The following ZC3H8 variants were observed in gnomAD, a reference collection of about 807,000 sequenced individuals.
ZC3H8 encodes zinc finger CCCH-type containing 8, also known as zinc finger CCCH domain-containing protein 8.
Under a neutral mutation model 42.5 loss-of-function variants are expected in ZC3H8, and 27 were observed. That is an observed-to-expected ratio of 0.64 (90% CI 0.47 to 0.88). ZC3H8 has a LOEUF of 0.88. ZC3H8 is among the 40% of genes least tolerant of loss of function. The pLI, the probability that ZC3H8 is intolerant of heterozygous loss-of-function variation, is 0.00. For missense variants in ZC3H8, 277 were observed against 336.1 expected (o/e 0.82, Z 1.37); for synonymous variants, 101 against 110.1 (o/e 0.92, Z 0.52).
In ZC3H8 at chr2:112,212,558, T is replaced by G. The variant is rs1279749949; in HGVS notation, c.*3926A>C. 1 of 152,138 alleles carries G rather than the reference T, an allele frequency of 6.6e-6. No homozygotes were observed. The highest frequency in any genetic ancestry group is 6.5e-5 in the Admixed American group (1 of 15,276). 9.4% of individuals were successfully genotyped at this position (152,138 alleles called of 1,614,324 possible). On this transcript the variant is annotated 3_prime_UTR_variant, in exon 9 of 9. Coordinates refer to ENST00000409573, the MANE Select transcript of ZC3H8 (RefSeq NM_032494.3). ...ACCCAAATCAAAATGGCTTCAACAA[T>G]AATGAAAATATATTATTTCAGGTGG...
intron 1 of ZC3H8, among the ~76,000 whole-genome samples, chr2:112,253,557 T>C (rs1323397117): frequency 1.3e-5 from 2 of 152,142 alleles, no homozygotes; most frequent in African/African-American, 4.8e-5. Flanking sequence ...AGATAAGAGA[T>C]CCTAGAATGT....
intron 2 of ZC3H8, among the ~76,000 whole-genome samples, chr2:112,246,075 T>C (rs940809985): frequency 3.9e-5 from 6 of 152,226 alleles, no homozygotes; most frequent in African/African-American, 1.4e-4. Flanking sequence ...CTGTGCTCTA[T>C]ATATGGAGCA....
In ZC3H8 at chr2:112,217,490, T is replaced by G. The variant is rs562776102; in HGVS notation, c.*16-1022A>C. Among the ~76,000 whole-genome samples, 5 of 152,380 alleles carry G rather than the reference T, an allele frequency of 3.3e-5. No individual in the cohort carries two copies. The South Asian group carries it at 1.0e-3, about 32-fold the overall frequency. On this transcript the variant is annotated intron_variant, in intron 8 of 8. Transcript: ENST00000409573. ...AACTTTTTATACTGTTACATTAAAA[T>G]CCATTGGTCTTTGTAGGTTGGATGG... is the stretch of plus-strand genomic sequence containing the variant.
intron 8 of ZC3H8, among the ~76,000 whole-genome samples, chr2:112,226,588 T>TAAAAAAA (rs1684849729): frequency 9.2e-5 from 1 of 10,812 alleles, no homozygotes. Context: ...AGACTCCATC[T>TAAAAAAA]CAAAAAAAAA....
rs1487688700 is a variant in ZC3H8, at chr2:112,240,962, TGTGTGTGTGTGTGTGTGTGTGTGCGC to T, written c.157-2460_157-2435del. Among the ~76,000 whole-genome samples the T allele has an allele frequency of 4.6e-3, 673 of 145,110 alleles. 8 individuals carry two copies. Among genetic ancestry groups the T allele is most frequent in the African/African-American group, 0.016 (636 of 38,844 alleles). The stretch of plus-strand genomic sequence containing the variant: ...TAAAGTACAGGTAACAGTGTGTGTG[TGTGTGTGTGTGTGTGTGTGTGTGCGC>T]GTGTGTATGTGTGTTGTGTTTTGTG... On this transcript the variant is annotated intron_variant, in intron 2 of 8. Transcript: ENST00000409573.
At chr2:112,244,089 A>T (rs1349359899) in intron 2 of ZC3H8, among the ~76,000 whole-genome samples, 1 of 152,050 alleles carries the variant, frequency 6.6e-6, no homozygotes, top group Non-Finnish European at 1.5e-5. Context: ...CCACAATAGC[A>T]CTAAGCAGAA....
At chr2:112,251,217 GAGAAC>G (rs1472368471) in intron 1 of ZC3H8, among the ~76,000 whole-genome samples, 1 of 152,184 alleles carries the variant, frequency 6.6e-6, no homozygotes, top group African/African-American at 2.4e-5. Context: ...CCCATCTCAA[GAGAAC>G]ATGTTACAAA....
chr2:112,236,449 T>G, intron 4 of ZC3H8, 113 bp downstream of exon 4: 1 of 1,412,592 alleles, frequency 7.1e-7, no homozygotes, highest in Non-Finnish European at 9.5e-7. Flanking sequence ...AAACCGATTC[T>G]GTGGGATGCT....
chr2:112,227,625 C>T lies in ZC3H8; in HGVS notation c.*15+3278G>A, dbSNP rs1034993557. The stretch of plus-strand genomic sequence containing the variant: ...ACCTACTAGAGCTAATAAATGAATT[C>T]GAAGTCTTGGGAAACAAGATCAATA... On this transcript the variant is annotated intron_variant, in intron 8 of 8. Coordinates refer to ENST00000409573, the MANE Select transcript of ZC3H8 (RefSeq NM_032494.3). Among the ~76,000 whole-genome samples, 40 of 152,230 alleles carry T rather than the reference C, an allele frequency of 2.6e-4. 1 individual carries two copies. Among genetic ancestry groups the T allele is most frequent in the East Asian group, 3.9e-4 (2 of 5,186 alleles).
intron 8 of ZC3H8, among the ~76,000 whole-genome samples, chr2:112,219,261 G>A (rs1684479479): frequency 6.6e-6 from 1 of 152,096 alleles, no homozygotes; most frequent in African/African-American, 2.4e-5. Flanking sequence ...GGAACACAGT[G>A]GAGAGGGTAG....
At chr2:112,218,912 G>C (rs1197207823) in intron 8 of ZC3H8, among the ~76,000 whole-genome samples, 1 of 152,156 alleles carries the variant, frequency 6.6e-6, no homozygotes, top group Non-Finnish European at 1.5e-5. Context: ...GGTGAGACTT[G>C]TGTAACAGAA....
rs1573926602 is a variant in ZC3H8, at chr2:112,248,678, T to C, written c.156+1513A>G. Among the ~76,000 whole-genome samples, 3 of 152,202 alleles carry C rather than the reference T, an allele frequency of 2.0e-5. No individual in the cohort carries two copies. The South Asian group carries it at 6.2e-4, about 32-fold the overall frequency. ...GCTAATTTTGTATTTTTAGTAGAGATGGCGTTTCTCCATGTTCAAAAACAG... is the reference window on the plus strand; with the variant it reads ...GCTAATTTTGTATTTTTAGTAGAGACGGCGTTTCTCCATGTTCAAAAACAG... On this transcript the variant is annotated intron_variant, in intron 2 of 8. Transcript: ENST00000409573.
At chr2:112,229,659 C>T (rs1187182958) in intron 8 of ZC3H8, among the ~76,000 whole-genome samples, 1 of 152,112 alleles carries the variant, frequency 6.6e-6, no homozygotes, top group African/African-American at 2.4e-5. Flanking sequence ...CAGCCAACTC[C>T]CAGCCAATCT....
intron 6 of ZC3H8, 26 bp from the exon 7 acceptor site, chr2:112,231,973 C>T: frequency 7.8e-7 from 1 of 1,284,364 alleles, no homozygotes. Context: ...AGGAAGAGAA[C>T]AATTTTAATC....
chr2:112,254,761 G>A (rs764075113), intron 1 of ZC3H8, 147 bp downstream of exon 1: 8 of 898,348 alleles, frequency 8.9e-6, no homozygotes, highest in African/African-American at 1.7e-5. Context: ...TAGGTCAGAC[G>A]GTGGCGCCCG....
At chr2:112,230,463 G>T (rs988004063) in intron 8 of ZC3H8, among the ~76,000 whole-genome samples, 2 of 152,070 alleles carry the variant, frequency 1.3e-5, no homozygotes, top group Admixed American at 1.3e-4. Flanking sequence ...ATAGTAGAAT[G>T]ACCAAATAAC....
Position 112,238,459 on chromosome 2 carries a change from A to T in ZC3H8, c.226T>A (p.Tyr76Asn). 6.2e-7 allele frequency: 1 copy of T among 1,613,374 alleles called. No individual in the cohort carries two copies. The highest frequency in any genetic ancestry group is 8.5e-7 in the Non-Finnish European group (1 of 1,179,856). The change falls in exon 3 of 9, where the codon TAT (tyrosine) becomes AAT (asparagine). Residue 76 changes from tyrosine to asparagine, a missense_variant. Tyr to Asn is a moderately radical substitution (Grantham distance 143). Coordinates refer to ENST00000409573, the MANE Select transcript of ZC3H8 (RefSeq NM_032494.3). ...TGACTGCAGATATCATTATCACTAT[A>T]TACATCATAGTCCTTACTTCTTGAT... ...RKSRSKDYDV[Y>N]SDNDICSQES...
intron 8 of ZC3H8, among the ~76,000 whole-genome samples, chr2:112,223,655 A>T (rs1422618279): frequency 6.6e-6 from 1 of 152,218 alleles, no homozygotes; most frequent in East Asian, 1.9e-4. Context: ...AGAAATGCTA[A>T]CAATCAATCT....
chr2:112,246,694 A>G (rs1685777171), intron 2 of ZC3H8, among the ~76,000 whole-genome samples: 1 of 152,236 alleles, frequency 6.6e-6, no homozygotes, highest in African/African-American at 2.4e-5. Flanking sequence ...TGGTTTCTTG[A>G]GATGCAATCT....
Sources: gnomAD v4.1 joint callset for allele counts (sites outside exome capture counted in the v4.1 genomes callset) on GRCh38, gnomAD v4.1.1 for gene constraint, MANE v1.5 for transcripts, NCBI Gene and HGNC (gene_info 2026-07-23, HGNC 2026-07-21) for gene names.